The following PARM1 variants were observed in gnomAD, a reference collection of about 807,000 sequenced individuals.
PARM1 encodes WSC4, cell wall integrity and stress response component 4 homolog.
In PARM1, 14 loss-of-function variants were observed where a neutral mutation model predicts 24.6. The observed-to-expected ratio is 0.57, with a 90% CI of 0.38 to 0.89. PARM1 has a LOEUF of 0.89. Among genes scored for constraint, PARM1 ranks in the 40% least tolerant of loss-of-function variants. PARM1 has a pLI of 0.00. For missense variants in PARM1, 362 were observed against 380.4 expected (o/e 0.95, Z 0.40); for synonymous variants, 179 against 156.6 (o/e 1.14, Z -1.07).
chr4:74,972,224 G>A (rs1007949697), intron 1 of PARM1, among the ~76,000 whole-genome samples: 2 of 152,226 alleles, frequency 1.3e-5, no homozygotes, highest in African/African-American at 2.4e-5. Context: ...CTCTGGGATT[G>A]CCTGAGCATC....
chr4:74,948,370 C>T (rs1417893779), intron 1 of PARM1, among the ~76,000 whole-genome samples: 1 of 152,204 alleles, frequency 6.6e-6, no homozygotes, highest in Non-Finnish European at 1.5e-5. Flanking sequence ...TCCAAAGCCT[C>T]TTCAAGCTTG....
intron 1 of PARM1, among the ~76,000 whole-genome samples, chr4:75,004,375 CTG>C (rs1463467473): frequency 2.0e-5 from 3 of 152,180 alleles, no homozygotes; most frequent in Non-Finnish European, 4.4e-5. Context: ...TCATTAGAGT[CTG>C]TGTGAAGTGA....
rs1311329370 is a variant in PARM1 at position 75,012,817 on chromosome 4, C to A, written c.436C>A (p.Pro146Thr). Residue 146 changes from proline (P) to threonine (T), a missense_variant, in exon 2 of 4, where the codon CCC (proline) becomes ACC (threonine). Pro to Thr is a conservative substitution (Grantham distance 38). Transcript: ENST00000307428. ...ATLSQSAAEP[P>T]TLISPQAPAS... ...ACTGTCGCAGTCCGCTGCTGAGCCT[C>A]CCACACTCATCTCCCCTCAAGCTCC... The A allele has an allele frequency of 1.9e-6, 3 of 1,613,948 alleles. No homozygotes were observed.
At chr4:74,990,505 A>G (rs1409931896) in intron 1 of PARM1, among the ~76,000 whole-genome samples, 2 of 152,130 alleles carry the variant, frequency 1.3e-5, no homozygotes, top group African/African-American at 4.8e-5. Context: ...AAACTTAGAT[A>G]TGCAGGCACA....
intron 1 of PARM1, among the ~76,000 whole-genome samples, chr4:74,943,935 C>A (rs1578021983): frequency 1.3e-5 from 2 of 152,220 alleles, no homozygotes; most frequent in Non-Finnish European, 2.9e-5. Flanking sequence ...AGACCCTGTG[C>A]TACCTTCTTC....
intron 1 of PARM1, among the ~76,000 whole-genome samples, chr4:74,995,746 G>A (rs996786045): frequency 1.3e-5 from 2 of 152,066 alleles, no homozygotes; most frequent in Admixed American, 6.6e-5. Context: ...TGTCCTCTCC[G>A]CGGCAGCCCC....
At position 75,012,777 on chromosome 4, in the gene PARM1, A is replaced by C. The variant is rs1249253684; in HGVS notation, c.396A>C (p.Ala132=). The change falls in exon 2 of 4, where the codon GCA becomes GCC. Residue 132 remains alanine, a synonymous_variant. Transcript: ENST00000307428. Reference sequence around the variant, plus strand: ...AACACAGCTCGGGCACTCCTGAAGCAGGCGTGGCAGCTACACTGTCGCAGT... The same window carrying C: ...AACACAGCTCGGGCACTCCTGAAGCCGGCGTGGCAGCTACACTGTCGCAGT... ...LEEHSSGTPE[A]GVAATLSQSA... is the part of the protein sequence containing the mutation. 1 of 1,613,990 alleles carries C rather than the reference A, an allele frequency of 6.2e-7. No individual in the cohort carries two copies.
chr4:74,939,426 C>T (rs1721258058), intron 1 of PARM1, among the ~76,000 whole-genome samples: 1 of 152,074 alleles, frequency 6.6e-6, no homozygotes, highest in Non-Finnish European at 1.5e-5. Flanking sequence ...ACTTTAACCC[C>T]CTTTGACTCT....
chr4:75,042,176 G>T (rs1243728972), intron 3 of PARM1, among the ~76,000 whole-genome samples: 1 of 152,148 alleles, frequency 6.6e-6, no homozygotes, highest in African/African-American at 2.4e-5. Context: ...CATATAAGCA[G>T]TTATCATCAA....
intron 1 of PARM1, among the ~76,000 whole-genome samples, chr4:74,981,765 C>T (rs568819459): frequency 8.6e-5 from 13 of 151,868 alleles, no homozygotes; most frequent in African/African-American, 3.1e-4. Flanking sequence ...ATCCCAGCTA[C>T]TCAGGAGGCT....
At chr4:74,999,129 G>C (rs1171077730) in intron 1 of PARM1, 1 of 152,208 alleles carries the variant, frequency 6.6e-6, no homozygotes, top group African/African-American at 2.4e-5. Flanking sequence ...CATCCAGCCT[G>C]GTACACTCAA....
chr4:75,028,698 CT>C (rs1283365770), intron 2 of PARM1, among the ~76,000 whole-genome samples: 1 of 152,170 alleles, frequency 6.6e-6, no homozygotes, highest in Non-Finnish European at 1.5e-5. Flanking sequence ...AGACACTCAC[CT>C]CTTTTTCACC....
intron 1 of PARM1, among the ~76,000 whole-genome samples, chr4:74,989,997 G>C (rs1301032351): frequency 6.6e-6 from 1 of 152,088 alleles, no homozygotes; most frequent in African/African-American, 2.4e-5. Flanking sequence ...ATGAATATGA[G>C]AAACACTGGA....
chr4:74,948,857 C>T (rs192506363), intron 1 of PARM1, among the ~76,000 whole-genome samples: 1 of 152,122 alleles, frequency 6.6e-6, no homozygotes, highest in Admixed American at 6.5e-5. Context: ...CCTGTTTCTA[C>T]TAAAAATACA....
intron 2 of PARM1, among the ~76,000 whole-genome samples, chr4:75,017,231 C>G (rs1438369725): frequency 1.3e-5 from 2 of 152,180 alleles, no homozygotes; most frequent in Non-Finnish European, 2.9e-5. Context: ...ACAGACTCCA[C>G]TATCCATCCG....
chr4:75,018,739 C>A (rs375044715), intron 2 of PARM1, among the ~76,000 whole-genome samples: 1 of 152,206 alleles, frequency 6.6e-6, no homozygotes, highest in Admixed American at 6.5e-5. Context: ...ATCCTCAGAA[C>A]GTTCCAGTGG....
intron 2 of PARM1, among the ~76,000 whole-genome samples, chr4:75,023,631 T>C (rs563460557): frequency 1.3e-5 from 2 of 152,174 alleles, no homozygotes; most frequent in Admixed American, 6.5e-5. Flanking sequence ...CAGAAAAGCA[T>C]AGTCCAAAAA....
intron 3 of PARM1, among the ~76,000 whole-genome samples, chr4:75,036,923 A>G (rs1413383669): frequency 1.3e-5 from 2 of 152,230 alleles, no homozygotes; most frequent in Non-Finnish European, 2.9e-5. Flanking sequence ...GGATACAGTT[A>G]TTAGACCCTT....
chr4:75,030,911 G>C (rs1203493861), intron 2 of PARM1, among the ~76,000 whole-genome samples: 1 of 152,178 alleles, frequency 6.6e-6, no homozygotes, highest in African/African-American at 2.4e-5. Context: ...GGAGGAGGAG[G>C]GGAATTCCAG....
Sources: gnomAD v4.1 joint callset for allele counts (sites outside exome capture counted in the v4.1 genomes callset) on GRCh38, gnomAD v4.1.1 for gene constraint, MANE v1.5 for transcripts, NCBI Gene and HGNC (gene_info 2026-07-23, HGNC 2026-07-21) for gene names.